Variants in CLSTN1 observed in about 807,000 individuals in gnomAD.
CLSTN1 encodes the protein calsyntenin-1.
A neutral mutation model predicts 108.3 loss-of-function variants in CLSTN1; 28 were observed. That is an observed-to-expected ratio of 0.26 (90% CI 0.19 to 0.35). The LOEUF is 0.35. CLSTN1 is among the 10% of genes least tolerant of loss of function. The probability of loss-of-function intolerance (pLI) is 1.00; values close to 1 mark genes in which losing one functional copy is unlikely to be tolerated. For synonymous variants in CLSTN1, 524 were observed against 534.9 expected (o/e 0.98, Z 0.28); for missense variants, 1,157 against 1,302.6 (o/e 0.89, Z 1.72).
intron 1 of CLSTN1, among the ~76,000 whole-genome samples, chr1:9,813,881 C>T (rs570235271): frequency 6.6e-6 from 1 of 152,090 alleles, no homozygotes; most frequent in Admixed American, 6.6e-5. Context: ...GGGAGGATCA[C>T]AAGGTGAGGA....
At chr1:9,766,027 T>A (rs981184376) in intron 2 of CLSTN1, among the ~76,000 whole-genome samples, 2 of 152,150 alleles carry the variant, frequency 1.3e-5, no homozygotes, top group Non-Finnish European at 2.9e-5. Flanking sequence ...ATCACATTCA[T>A]AACAAAGAAT....
intron 1 of CLSTN1, among the ~76,000 whole-genome samples, chr1:9,786,971 G>T (rs1653524997): frequency 6.6e-6 from 1 of 151,508 alleles, no homozygotes; most frequent in Non-Finnish European, 1.5e-5. Flanking sequence ...AAGGGGACCA[G>T]ACCCTGCACA....
At chr1:9,818,271 A>G (rs1655054910) in intron 1 of CLSTN1, among the ~76,000 whole-genome samples, 1 of 151,576 alleles carries the variant, frequency 6.6e-6, no homozygotes, top group South Asian at 2.1e-4. Context: ...TGGCCTCCCA[A>G]AGCACTGGGA....
intron 2 of CLSTN1, among the ~76,000 whole-genome samples, chr1:9,766,585 G>A (rs1332118396): frequency 1.3e-5 from 2 of 152,048 alleles, no homozygotes; most frequent in African/African-American, 4.8e-5. Flanking sequence ...GCTTGAACCC[G>A]GAAGGCAGAG....
intron 4 of CLSTN1, among the ~76,000 whole-genome samples, chr1:9,752,796 A>T (rs774042581): frequency 8.5e-5 from 13 of 152,172 alleles, no homozygotes; most frequent in Non-Finnish European, 1.9e-4. Flanking sequence ...CTGGAGGTGG[A>T]GGTTGCAGTG....
chr1:9,755,027 G>A, intron 4 of CLSTN1, 87 bp downstream of exon 4: 1 of 1,101,906 alleles, frequency 9.1e-7, no homozygotes, highest in Non-Finnish European at 1.3e-6. Flanking sequence ...ACAGTCTTGG[G>A]GAGCAGGCAA....
Position 9,730,573 on chromosome 1 carries a change from C to T in CLSTN1, c.2881G>A (p.Gly961Ser). ...ESSEEEEGEQ[G>S]DPQNATRQQQ... ...TGCCGGGTTGCGTTCTGGGGGTCGC[C>T]CTGCTCCCCCTCCTCCTCCTCGCTG... is the stretch of plus-strand genomic sequence containing the variant. Residue 961 changes from glycine to serine, a missense_variant, in exon 19 of 19, where the codon GGC becomes AGC. By Grantham distance (56) the Gly-to-Ser change is moderately conservative. Coordinates refer to ENST00000377298, the MANE Select transcript of CLSTN1 (RefSeq NM_001009566.3). The surrounding 1 kb of genome is among the most constrained non-coding windows in gnomAD (Gnocchi z 5.6). 1 of 1,609,150 alleles carries T rather than the reference C, an allele frequency of 6.2e-7. No individual in the cohort carries two copies. Among genetic ancestry groups the T allele is most frequent in the Non-Finnish European group, 8.5e-7 (1 of 1,179,962 alleles).
At chr1:9,801,907 C>A (rs1467700460) in intron 1 of CLSTN1, among the ~76,000 whole-genome samples, 3 of 152,144 alleles carry the variant, frequency 2.0e-5, no homozygotes, top group Admixed American at 6.6e-5. Flanking sequence ...AAGAAAACTA[C>A]ACACCAATAT....
At chr1:9,749,067 T>C (rs1651421062) in intron 7 of CLSTN1, among the ~76,000 whole-genome samples, 1 of 151,738 alleles carries the variant, frequency 6.6e-6, no homozygotes, top group African/African-American at 2.4e-5. Context: ...CCATCCCCAG[T>C]TAATTTTTCA....
intron 2 of CLSTN1, among the ~76,000 whole-genome samples, chr1:9,769,398 T>G (rs1008738945): frequency 6.6e-6 from 1 of 152,060 alleles, no homozygotes; most frequent in Middle Eastern, 3.2e-3. Context: ...CAAATGTCCA[T>G]CAGTGGATGA....
At chr1:9,798,562 G>A (rs900459920) in intron 1 of CLSTN1, among the ~76,000 whole-genome samples, 2 of 152,140 alleles carry the variant, frequency 1.3e-5, no homozygotes, top group African/African-American at 2.4e-5. Flanking sequence ...ACAGAAAGCC[G>A]ATTAGTGGTT....
intron 7 of CLSTN1, among the ~76,000 whole-genome samples, chr1:9,748,477 T>C (rs889191500): frequency 8.5e-5 from 13 of 152,152 alleles, no homozygotes; most frequent in Admixed American, 5.9e-4. Flanking sequence ...AGCTATTGTA[T>C]TACCTATATT....
chr1:9,731,736 C>T (rs1270003532), intron 17 of CLSTN1, 25 bp downstream of exon 17: 1 of 1,613,904 alleles, frequency 6.2e-7, no homozygotes, highest in East Asian at 2.2e-5. Flanking sequence ...AGCATCTCCG[C>T]TTGGTCTCCC....
intron 1 of CLSTN1, among the ~76,000 whole-genome samples, chr1:9,819,999 A>C (rs1223116504): frequency 2.6e-5 from 4 of 152,118 alleles, no homozygotes; most frequent in Admixed American, 2.0e-4. Flanking sequence ...TAATATCCCC[A>C]ATACTGCAAC....
intron 8 of CLSTN1, among the ~76,000 whole-genome samples, 170 bp from the exon 9 acceptor site, chr1:9,744,175 G>A (rs919352092): frequency 6.6e-6 from 1 of 152,212 alleles, no homozygotes; most frequent in African/African-American, 2.4e-5. Context: ...CTGAGAGGCG[G>A]AGCCTGTGAT....
chr1:9,785,955 C>A (rs568523332), intron 1 of CLSTN1, among the ~76,000 whole-genome samples: 1 of 151,822 alleles, frequency 6.6e-6, no homozygotes, highest in Non-Finnish European at 1.5e-5. Context: ...GTGGGTGGAT[C>A]GCTTGAGTTC....
chr1:9,739,288 A>G (rs540238178), intron 10 of CLSTN1, among the ~76,000 whole-genome samples: 1 of 152,354 alleles, frequency 6.6e-6, no homozygotes, highest in South Asian at 2.1e-4. Context: ...TGCAGATGCC[A>G]CAGGGATCCT....
intron 1 of CLSTN1, among the ~76,000 whole-genome samples, chr1:9,779,076 C>T (rs999601237): frequency 2.0e-5 from 3 of 151,618 alleles, no homozygotes; most frequent in Non-Finnish European, 4.4e-5. Context: ...TGGTACGGCA[C>T]CTTTCTCCTG....
intron 1 of CLSTN1, chr1:9,781,386 A>C (rs1023579386): frequency 8.6e-6 from 4 of 462,770 alleles, no homozygotes; most frequent in Non-Finnish European, 1.5e-5. Context: ...ATAGCATTAT[A>C]AATCAGTGGA....
Sources: gnomAD v4.1 joint callset for allele counts (sites outside exome capture counted in the v4.1 genomes callset) on GRCh38, gnomAD v4.1.1 for gene constraint, Gnocchi (gnomAD v3.1) non-coding constraint, MANE v1.5 for transcripts, NCBI Gene and HGNC (gene_info 2026-07-23, HGNC 2026-07-21) for gene names.